The following CUX1 variants were observed in gnomAD, a reference collection of about 807,000 sequenced individuals.
The protein encoded by CUX1 is cut like homeobox 1.
Under a neutral mutation model 158.8 loss-of-function variants are expected in CUX1, and 31 were observed. The ratio of observed to expected loss-of-function variants is 0.20; its 90% CI spans 0.15 to 0.26. The LOEUF (loss-of-function observed/expected upper bound fraction) is 0.26, where lower values mean the gene tolerates loss of function less well. Among genes scored for constraint, CUX1 ranks in the 10% least tolerant of loss-of-function variants. CUX1 has a pLI of 1.00. For synonymous variants in CUX1, 879 were observed against 862.1 expected, an observed-to-expected ratio of 1.02 and a Z score of -0.34; for missense variants, 1,589 against 2,014.6, an observed-to-expected ratio of 0.79 and a Z score of 4.04.
At chr7:101,921,434 A>ATTTT (rs1804918614) in intron 2 of CUX1, among the ~76,000 whole-genome samples, 1 of 149,528 alleles carries the variant, frequency 6.7e-6, no homozygotes, top group South Asian at 2.1e-4. Context: ...TCTATGTTTT[A>ATTTT]TTTTATTTTA....
intron 1 of CUX1, among the ~76,000 whole-genome samples, chr7:101,865,593 A>C (rs1184954197): frequency 6.6e-6 from 1 of 152,194 alleles, no homozygotes; most frequent in African/African-American, 2.4e-5. Context: ...CACAGCCTGT[A>C]CTTTTGGGGG....
chr7:102,212,734 T>C (rs1796679092), intron 20 of CUX1, among the ~76,000 whole-genome samples: 1 of 147,552 alleles, frequency 6.8e-6, no homozygotes, highest in Non-Finnish European at 1.5e-5. Flanking sequence ...TAAATATTTA[T>C]TCCACGCAGA....
chr7:102,177,798 C>G (rs1792550279), intron 10 of CUX1, among the ~76,000 whole-genome samples: 1 of 152,212 alleles, frequency 6.6e-6, no homozygotes, highest in African/African-American at 2.4e-5. Flanking sequence ...ACCCCGCACA[C>G]TTTTCATTAC....
intron 11 of CUX1, among the ~76,000 whole-genome samples, chr7:102,185,861 T>G (rs1351079028): frequency 2.6e-5 from 4 of 152,164 alleles, no homozygotes; most frequent in African/African-American, 9.7e-5. Flanking sequence ...TCTGTCAAGA[T>G]CTGCACTGTA....
chr7:102,052,497 A>G (rs1431879981), intron 3 of CUX1, among the ~76,000 whole-genome samples: 1 of 152,184 alleles, frequency 6.6e-6, no homozygotes, highest in Non-Finnish European at 1.5e-5. Context: ...ATAATATTCC[A>G]TTGTATGGAT....
intron 1 of CUX1, among the ~76,000 whole-genome samples, chr7:101,832,889 G>T (rs1030080956): frequency 1.3e-5 from 2 of 152,016 alleles, no homozygotes; most frequent in African/African-American, 4.8e-5. Flanking sequence ...CAGGAGCAGC[G>T]CCATGGCCAT....
chr7:102,254,297 C>A lies in CUX1; in HGVS notation c.*5255C>A. On this transcript the variant is annotated 3_prime_UTR_variant, in exon 24 of 24. Transcript: ENST00000292535. The stretch of plus-strand genomic sequence containing the variant: ...CCATTATCCTTGTCCCGGACTGCCC[C>A]AAAGTTCCCAGCTGGCTTTGGGGAA... 1.0e-6 allele frequency: 1 copy of A among 985,466 alleles called. No homozygotes were observed. The highest frequency in any genetic ancestry group is 1.2e-6 in the Non-Finnish European group (1 of 829,998). The allele number at this position is 985,466 out of a possible 1,614,324, so 61.0% of individuals were successfully genotyped here.
intron 1 of CUX1, among the ~76,000 whole-genome samples, chr7:101,833,152 A>G (rs1211363683): frequency 1.3e-5 from 2 of 152,088 alleles, no homozygotes; most frequent in East Asian, 3.9e-4. Flanking sequence ...TAATACCAAC[A>G]CTTTGGGAGG....
chr7:102,141,147 C>G (rs898597166), intron 8 of CUX1, among the ~76,000 whole-genome samples: 5 of 151,940 alleles, frequency 3.3e-5, no homozygotes, highest in African/African-American at 1.2e-4. Flanking sequence ...GAATAGGAAC[C>G]GCTGAATTAT....
At chr7:102,274,075 C>A in intron 15 of CUX1, 1 of 630,558 alleles carries the variant, frequency 1.6e-6, no homozygotes, top group Non-Finnish European at 2.9e-6. Context: ...TCTTTGGTAG[C>A]TCATGTCACG....
intron 23 of CUX1, among the ~76,000 whole-genome samples, chr7:102,243,103 G>A (rs530394868): frequency 6.6e-6 from 1 of 151,838 alleles, no homozygotes; most frequent in South Asian, 2.1e-4. Flanking sequence ...ATGAAACCCC[G>A]TCTCTACTAA....
chr7:102,125,630 T>C (rs201514), intron 8 of CUX1: 79,151 of 149,100 alleles, frequency 0.53, 21,609 homozygotes, highest in Middle Eastern at 0.67. Context: ...CCGTCCTTCC[T>C]GTGGAATACT....
At chr7:102,218,726 G>A (rs1554525783) in intron 20 of CUX1, among the ~76,000 whole-genome samples, 1 of 151,834 alleles carries the variant, frequency 6.6e-6, no homozygotes, top group Non-Finnish European at 1.5e-5. Flanking sequence ...TGGCTCCCAT[G>A]TCATTATAAG....
intron 1 of CUX1, among the ~76,000 whole-genome samples, chr7:101,905,055 C>T (rs1415244392): frequency 6.6e-6 from 1 of 152,096 alleles, no homozygotes; most frequent in Non-Finnish European, 1.5e-5. Context: ...AAATCACTTG[C>T]CTGGATCACT....
intron 2 of CUX1, chr7:101,960,116 C>T (rs913700494): frequency 2.6e-5 from 4 of 152,186 alleles, no homozygotes; most frequent in African/African-American, 9.7e-5. Flanking sequence ...CAGTGACCAA[C>T]TGTGTTTGCC....
At chr7:102,114,893 A>T (rs567206431) in intron 7 of CUX1, among the ~76,000 whole-genome samples, 2 of 150,172 alleles carry the variant, frequency 1.3e-5, no homozygotes, top group African/African-American at 4.9e-5. Flanking sequence ...TTAAAAATGG[A>T]AGGGAAAGAA....
rs955628567 is a variant in CUX1 at position 101,831,984 on chromosome 7, C to T, written c.30+14315C>T. On this transcript the variant is annotated intron_variant, in intron 1 of 23. Transcript: ENST00000292535. ...CTGGTCTTGAACTCCTGGCCTCAGG[C>T]GATCCTCCTGCCTTAGCCTCCGAAA... 1.2e-4 allele frequency among the ~76,000 whole-genome samples: 18 copies of T among 152,070 alleles called. No individual in the cohort carries two copies. In the Middle Eastern group the frequency reaches 0.014, roughly 115 times the overall value.
chr7:102,067,505 G>A (rs1585508157), intron 3 of CUX1, among the ~76,000 whole-genome samples: 1 of 150,638 alleles, frequency 6.6e-6, no homozygotes, highest in Non-Finnish European at 1.5e-5. Context: ...CAAAGTGCTG[G>A]GATTACAGGT....
chr7:101,829,322 G>A (rs1036261725), intron 1 of CUX1, among the ~76,000 whole-genome samples: 1 of 152,166 alleles, frequency 6.6e-6, no homozygotes, highest in Non-Finnish European at 1.5e-5. Context: ...CAAGACAGGA[G>A]CTTTTCTATT....
Sources: allele counts gnomAD v4.1 joint callset (sites outside exome capture counted in the v4.1 genomes callset), GRCh38; gene constraint gnomAD v4.1.1; transcripts MANE v1.5; gene names NCBI Gene and HGNC (gene_info 2026-07-23, HGNC 2026-07-21).